The following ADAMTSL2 variants were observed in gnomAD, a reference collection of about 807,000 sequenced individuals.
ADAMTSL2 encodes the protein ADAMTS-like protein 2.
In ADAMTSL2, 55 loss-of-function variants were observed where a neutral mutation model predicts 117.0. That is an observed-to-expected ratio of 0.47 (90% CI 0.38 to 0.59). The LOEUF is 0.59. Among genes scored for constraint, ADAMTSL2 ranks in the 20% least tolerant of loss-of-function variants. ADAMTSL2 has a pLI of 0.00. For synonymous variants in ADAMTSL2, 572 were observed against 566.4 expected, an observed-to-expected ratio of 1.01 and a Z score of -0.14; for missense variants, 1,182 against 1,354.5, an observed-to-expected ratio of 0.87 and a Z score of 2.00.
chr9:133,537,928 T>C (rs1002106483), intron 3 of ADAMTSL2, among the ~76,000 whole-genome samples: 24 of 152,210 alleles, frequency 1.6e-4, no homozygotes, highest in African/African-American at 5.8e-4. Flanking sequence ...CGCTGCCAGA[T>C]GGACCTGGCT....
intron 8 of ADAMTSL2, among the ~76,000 whole-genome samples, chr9:133,546,104 G>A (rs990581792): frequency 3.3e-5 from 5 of 152,022 alleles, no homozygotes; most frequent in Non-Finnish European, 2.9e-5. Context: ...TGTCCCGAGC[G>A]CCGAATCGGC....
At chr9:133,572,169 C>A (rs1831121819) in intron 17 of ADAMTSL2, among the ~76,000 whole-genome samples, 1 of 140,150 alleles carries the variant, frequency 7.1e-6, no homozygotes, top group Non-Finnish European at 1.6e-5. Flanking sequence ...TCCACCCTGC[C>A]CCGCCACCCC....
At chr9:133,566,168 G>A (rs1410586008) in intron 12 of ADAMTSL2, among the ~76,000 whole-genome samples, 1 of 152,226 alleles carries the variant, frequency 6.6e-6, no homozygotes, top group East Asian at 1.9e-4. Context: ...CAGGCCTGGC[G>A]CGGTGGCTCA....
At chr9:133,563,418 C>T (rs1830794344) in intron 12 of ADAMTSL2, among the ~76,000 whole-genome samples, 2 of 152,212 alleles carry the variant, frequency 1.3e-5, no homozygotes, top group Non-Finnish European at 2.9e-5. Flanking sequence ...GGACTCCAAG[C>T]GTGTGGGCGT....
intron 13 of ADAMTSL2, among the ~76,000 whole-genome samples, 156 bp downstream of exon 13, chr9:133,567,218 A>G (rs1291766795): frequency 6.6e-6 from 1 of 152,224 alleles, no homozygotes; most frequent in Non-Finnish European, 1.5e-5. Flanking sequence ...CTCACCCCTC[A>G]GAGACCTTCT....
intron 12 of ADAMTSL2, 154 bp from the exon 13 acceptor site, chr9:133,566,782 C>T: frequency 1.0e-6 from 1 of 997,010 alleles, no homozygotes; most frequent in Admixed American, 2.0e-5. Flanking sequence ...ACCCACAGTG[C>T]TGCCCTCATG....
chr9:133,574,860 C>T lies in ADAMTSL2; in HGVS notation c.2852C>T (p.Ser951Phe). Residue 951 changes from serine to phenylalanine, a missense_variant, in exon 19 of 19, where the codon TCC becomes TTC. Physicochemically the swap from Ser to Phe is radical, Grantham distance 155. Coordinates refer to ENST00000651351, the MANE Select transcript of ADAMTSL2 (RefSeq NM_014694.4). ...TGCCGCTCCTGCAGGCCCCCCCACT[C>T]CTAGGCCCGGCAGCTGCAGCCCCTT... The part of the protein sequence containing the change: ...ACCRSCRPPH[S>F] 6.2e-7 allele frequency: 1 copy of T among 1,601,182 alleles called. No individual in the cohort carries two copies.
At chr9:133,570,254 C>T in intron 16 of ADAMTSL2, 77 bp from the exon 17 acceptor site, 2 of 1,497,150 alleles carry the variant, frequency 1.3e-6, no homozygotes, top group South Asian at 2.4e-5. Context: ...CCCGTTGTCA[C>T]CAGAGTCGCC....
chr9:133,537,359 C>G (rs755168804), intron 2 of ADAMTSL2, 46 bp from the exon 3 acceptor site: 1 of 1,330,814 alleles, frequency 7.5e-7, no homozygotes, highest in Non-Finnish European at 9.7e-7. Flanking sequence ...GGCTGGTCCT[C>G]CTGGGCACTT....
At chr9:133,572,131 C>A (rs1366964894) in intron 17 of ADAMTSL2, among the ~76,000 whole-genome samples, 5 of 152,114 alleles carry the variant, frequency 3.3e-5, no homozygotes, top group Non-Finnish European at 5.9e-5. Flanking sequence ...GTCCCAGGCT[C>A]CTCGTGCACG....
At chr9:133,547,374 A>G (rs1455798732) in intron 9 of ADAMTSL2, among the ~76,000 whole-genome samples, 161 bp downstream of exon 9, 1 of 152,168 alleles carries the variant, frequency 6.6e-6, no homozygotes, top group Non-Finnish European at 1.5e-5. Flanking sequence ...TTCACGTTCA[A>G]TCACTGTTAC....
At chr9:133,533,064 C>T (rs1202369121), upstream of ADAMTSL2, among the ~76,000 whole-genome samples, 2 of 152,040 alleles carry the variant, frequency 1.3e-5, no homozygotes, top group African/African-American at 4.8e-5. Flanking sequence ...CCAAGGGGTG[C>T]GAGGCCTGGC....
chr9:133,562,603 CGGCGTGGCG>C (rs1830760625), intron 12 of ADAMTSL2, among the ~76,000 whole-genome samples: 9 of 110,110 alleles, frequency 8.2e-5, no homozygotes, highest in Admixed American at 2.5e-4. Flanking sequence ...CCGCCGTGGG[CGGCGTGGCG>C]GGCACCCGGC....
In ADAMTSL2 at chr9:133,569,514, T is replaced by A; in HGVS notation, c.2351T>A (p.Leu784Gln). The A allele has an allele frequency of 6.2e-7, 1 of 1,610,640 alleles. No individual in the cohort carries two copies. Among genetic ancestry groups the A allele is most frequent in the Non-Finnish European group, 8.5e-7 (1 of 1,178,644 alleles). ...CAGTGCCAGATGGAGACCAAGCCTC[T>A]GGCCATCCACCCCTGTGGGGACAAA... ...ESQCQMETKP[L>Q]AIHPCGDKNC... The change falls in exon 16 of 19, where the codon CTG (leucine) becomes CAG (glutamine). Residue 784 changes from leucine (L) to glutamine (Q), a missense_variant. This residue lies in a region of ADAMTSL2 where 465 missense variants were observed against 565.3 expected (regional missense o/e 0.82). Transcript: ENST00000651351.
chr9:133,554,786 TG>T lies in ADAMTSL2; in HGVS notation c.1276+94del. On this transcript the variant is annotated intron_variant, in intron 10 of 18. Transcript: ENST00000651351. The surrounding 1 kb of genome is among the most constrained non-coding windows in gnomAD (Gnocchi z 5.2). ...AGGGGTCTCAGACCCTTTGCAGACC[TG>T]CAGAGGAGGTTCCTAAGAGCTGCCA... is the stretch of plus-strand genomic sequence containing the variant. 2 of 1,185,520 alleles carry T rather than the reference TG, an allele frequency of 1.7e-6. No homozygotes were observed. Among genetic ancestry groups the T allele is most frequent in the Non-Finnish European group, 2.3e-6 (2 of 867,388 alleles). 73.4% of individuals were successfully genotyped at this position (1,185,520 alleles called of 1,614,324 possible).
chr9:133,546,188 C>G (rs985363204), intron 8 of ADAMTSL2, among the ~76,000 whole-genome samples: 1 of 152,112 alleles, frequency 6.6e-6, no homozygotes, highest in Non-Finnish European at 1.5e-5. Context: ...AGGATCAGTT[C>G]CCCTTGAAAC....
At chr9:133,561,668 G>T (rs1830731998) in intron 12 of ADAMTSL2, among the ~76,000 whole-genome samples, 1 of 152,238 alleles carries the variant, frequency 6.6e-6, no homozygotes, top group Non-Finnish European at 1.5e-5. Context: ...GCAAACATAG[G>T]AAGGGAGTCA....
Position 133,536,617 on chromosome 9 carries a change from C to G in ADAMTSL2, c.-96C>G. 1 of 1,613,360 alleles carries G rather than the reference C, an allele frequency of 6.2e-7. No individual in the cohort carries two copies. The highest frequency in any genetic ancestry group is 1.1e-5 in the South Asian group (1 of 91,006). ...CCCAGATAACCTTGAGGCCTGGGCA[C>G]TGGCTGGGCCCCGAGGGCTCTTCCC... On this transcript the variant is annotated 5_prime_UTR_variant, in exon 2 of 19. Transcript: ENST00000651351.
chr9:133,540,007 G>A lies in ADAMTSL2; in HGVS notation c.412+134G>A, dbSNP rs1588278739. 9 of 836,214 alleles carry A rather than the reference G, an allele frequency of 1.1e-5. No individual in the cohort carries two copies. In the Admixed American group the frequency reaches 1.4e-4, roughly 13 times the overall value. The allele number at this position is 836,214 out of a possible 1,614,324, so 51.8% of individuals were successfully genotyped here. A position where few individuals can be genotyped will look rare whatever the true frequency, so the allele number is the denominator to read the frequency against. ...GGTGGTCAGACGAAGAGCCAGGAAT[G>A]AACCTGGGTCTCCTGAGCCCTGGCC... On this transcript the variant is annotated intron_variant, in intron 5 of 18. Coordinates refer to ENST00000651351, the MANE Select transcript of ADAMTSL2 (RefSeq NM_014694.4).
Sources: allele counts gnomAD v4.1 joint callset (sites outside exome capture counted in the v4.1 genomes callset), GRCh38; gene constraint gnomAD v4.1.1; regional missense constraint gnomAD v4.1.1; non-coding constraint Gnocchi (gnomAD v3.1); transcripts MANE v1.5; gene names NCBI Gene and HGNC (gene_info 2026-07-23, HGNC 2026-07-21).